The following BTBD9 variants were observed in gnomAD, a reference collection of about 807,000 sequenced individuals.
BTBD9 encodes the protein BTB domain containing 9, also known as BTB/POZ domain-containing protein 9.
A neutral mutation model predicts 64.3 loss-of-function variants in BTBD9; 49 were observed. The ratio of observed to expected loss-of-function variants is 0.76; its 90% CI spans 0.61 to 0.97. The LOEUF (loss-of-function observed/expected upper bound fraction) is 0.97, where lower values mean the gene tolerates loss of function less well. BTBD9 is among the 50% of genes least tolerant of loss of function. The pLI is 0.00. For synonymous variants in BTBD9, 260 were observed against 274.7 expected (o/e 0.95, Z 0.53); for missense variants, 598 against 762.1 (o/e 0.78, Z 2.53).
rs75630544 is a variant in BTBD9 at position 38,306,378 on chromosome 6, C to T, written c.1265-17917G>A. On this transcript the variant is annotated intron_variant, in intron 7 of 10. Coordinates refer to ENST00000481247, the MANE Select transcript of BTBD9 (RefSeq NM_001099272.2). ...TCACCTACATCCCTATTACAACAGCCTGTGCTAGGAGCAAAAGGCAAAGGT... is the reference window on the plus strand; with the variant it reads ...TCACCTACATCCCTATTACAACAGCTTGTGCTAGGAGCAAAAGGCAAAGGT... Among the ~76,000 whole-genome samples the T allele has an allele frequency of 6.5e-3, 989 of 152,310 alleles. 10 individuals are homozygous for T. Among genetic ancestry groups the T allele is most frequent in the African/African-American group, 0.019 (804 of 41,570 alleles).
intron 6 of BTBD9, among the ~76,000 whole-genome samples, chr6:38,505,969 A>AAAAAAAAAAAAAG (rs1379892237): frequency 3.6e-5 from 4 of 112,248 alleles, no homozygotes; most frequent in Non-Finnish European, 6.6e-5. Flanking sequence ...CTCAACAAAA[A>AAAAAAAAAAAAAG]AAAAAAAAAA....
chr6:38,307,201 T>C (rs1176338314), intron 7 of BTBD9, among the ~76,000 whole-genome samples: 2 of 152,046 alleles, frequency 1.3e-5, no homozygotes, highest in Non-Finnish European at 2.9e-5. Flanking sequence ...GTCAAATTAT[T>C]CAAGAGGAAA....
intron 6 of BTBD9, among the ~76,000 whole-genome samples, chr6:38,438,206 AGG>A (rs1768832254): frequency 1.0e-5 from 1 of 98,422 alleles, no homozygotes; most frequent in African/African-American, 4.1e-5. Context: ...GAGGAAAGGA[AGG>A]AGGGAGGGAG....
chr6:38,516,037 A>T (rs981118531), intron 6 of BTBD9, among the ~76,000 whole-genome samples: 8 of 152,252 alleles, frequency 5.3e-5, no homozygotes, highest in Non-Finnish European at 1.2e-4. Flanking sequence ...ACAGTCATCA[A>T]CAAAAGAAAA....
At chr6:38,544,645 G>A (rs1051628486) in intron 6 of BTBD9, among the ~76,000 whole-genome samples, 5 of 152,144 alleles carry the variant, frequency 3.3e-5, no homozygotes, top group African/African-American at 1.2e-4. Context: ...TGAGGGTGTG[G>A]GCCAGGCTCG....
chr6:38,362,361 TC>T (rs1764996491), intron 6 of BTBD9, among the ~76,000 whole-genome samples: 2 of 152,226 alleles, frequency 1.3e-5, no homozygotes, highest in Admixed American at 1.3e-4. Context: ...TTGTTCATTT[TC>T]CTTTTCAAAG....
At chr6:38,244,751 G>A (rs1582105018) in intron 9 of BTBD9, among the ~76,000 whole-genome samples, 1 of 152,270 alleles carries the variant, frequency 6.6e-6, no homozygotes. Context: ...AATGATAGAT[G>A]TAAAAACCAA....
At position 38,550,594 on chromosome 6, in the gene BTBD9, G is replaced by A. The variant is rs540889206; in HGVS notation, c.1154+27006C>T. ...GCCTCCCAAAGTGCTGGGATTATAG[G>A]CATGAGCCACCGTGCCCAGCCTCTT... On this transcript the variant is annotated intron_variant, in intron 6 of 10. Transcript: ENST00000481247. 3.3e-5 allele frequency among the ~76,000 whole-genome samples: 5 copies of A among 152,164 alleles called. No individual in the cohort carries two copies. The South Asian group carries it at 1.0e-3, about 32-fold the overall frequency.
chr6:38,589,065 C>A (rs1776677818), intron 4 of BTBD9, among the ~76,000 whole-genome samples: 2 of 152,192 alleles, frequency 1.3e-5, no homozygotes, highest in African/African-American at 4.8e-5. Context: ...CTTACTTAAT[C>A]ATTACTCAAG....
chr6:38,374,740 G>A (rs192896690), intron 6 of BTBD9, among the ~76,000 whole-genome samples: 5 of 152,186 alleles, frequency 3.3e-5, no homozygotes, highest in East Asian at 3.9e-4. Context: ...AAATCAGCAC[G>A]AAATCAATAC....
At chr6:38,364,861 A>G (rs1039999486) in intron 6 of BTBD9, among the ~76,000 whole-genome samples, 3 of 152,190 alleles carry the variant, frequency 2.0e-5, no homozygotes, top group Non-Finnish European at 4.4e-5. Flanking sequence ...GATCTTGAGA[A>G]AGAGAGATCT....
intron 6 of BTBD9, among the ~76,000 whole-genome samples, chr6:38,364,244 A>C (rs1306148542): frequency 6.6e-6 from 1 of 152,008 alleles, no homozygotes; most frequent in Non-Finnish European, 1.5e-5. Context: ...CTTGCAGCTG[A>C]CTCTACACAC....
intron 8 of BTBD9, among the ~76,000 whole-genome samples, chr6:38,264,422 A>C (rs1764901388): frequency 6.6e-6 from 1 of 152,164 alleles, no homozygotes. Context: ...AGAGGTAAGG[A>C]GTTGTGGTGA....
chr6:38,638,070 T>G (rs1778588183), intron 1 of BTBD9, among the ~76,000 whole-genome samples: 1 of 152,172 alleles, frequency 6.6e-6, no homozygotes, highest in Non-Finnish European at 1.5e-5. Flanking sequence ...AAATTCACAT[T>G]ATTATTTTCT....
chr6:38,264,645 G>A (rs1337024622), intron 8 of BTBD9, among the ~76,000 whole-genome samples: 2 of 152,348 alleles, frequency 1.3e-5, no homozygotes, highest in African/African-American at 4.8e-5. Flanking sequence ...TCCCAAAGAT[G>A]AGAGGGCTCC....
chr6:38,360,514 C>A (rs1317222921), intron 6 of BTBD9, among the ~76,000 whole-genome samples: 1 of 151,998 alleles, frequency 6.6e-6, no homozygotes, highest in Non-Finnish European at 1.5e-5. Flanking sequence ...TATATAAATT[C>A]CACACAAATA....
chr6:38,283,198 CA>C (rs1761588763), intron 8 of BTBD9, among the ~76,000 whole-genome samples: 1 of 152,184 alleles, frequency 6.6e-6, no homozygotes, highest in African/African-American at 2.4e-5. Context: ...CATTTTTCAT[CA>C]AGAAAGAAGG....
chr6:38,417,420 G>A (rs1335482168), intron 6 of BTBD9, among the ~76,000 whole-genome samples: 2 of 152,186 alleles, frequency 1.3e-5, no homozygotes, highest in Non-Finnish European at 2.9e-5. Flanking sequence ...TGCCTAGAAT[G>A]TAATCTCCTA....
chr6:38,302,485 G>GTATGTATATATATATATA (rs1384155514), intron 7 of BTBD9, among the ~76,000 whole-genome samples: 3 of 106,906 alleles, frequency 2.8e-5, no homozygotes, highest in Non-Finnish European at 3.8e-5. Flanking sequence ...TTGTGTGTAT[G>GTATGTATATATATATATA]TATATATATA....
Sources: gnomAD v4.1 joint callset for allele counts (sites outside exome capture counted in the v4.1 genomes callset) on GRCh38, gnomAD v4.1.1 for gene constraint, MANE v1.5 for transcripts, NCBI Gene and HGNC (gene_info 2026-07-23, HGNC 2026-07-21) for gene names.